UGT1A10: variants seen among roughly 807,000 people sequenced by gnomAD.
UGT1A10 encodes UDP-glucuronosyltransferase 1A10.
A neutral mutation model predicts 45.8 loss-of-function variants in UGT1A10; 49 were observed. That is an observed-to-expected ratio of 1.07 (90% CI 0.85 to 1.36). UGT1A10 has a LOEUF of 1.36. UGT1A10 is among the 40% of genes most tolerant of loss of function. The pLI, the probability that UGT1A10 is intolerant of heterozygous loss-of-function variation, is 0.00. For missense variants in UGT1A10, 745 were observed against 668.6 expected (o/e 1.11, Z -1.26); for synonymous variants, 284 against 249.7 (o/e 1.14, Z -1.29).
intron 1 of UGT1A10, among the ~76,000 whole-genome samples, chr2:233,687,568 A>C (rs6754100): frequency 0.67 from 95,836 of 142,336 alleles, 33,409 homozygotes; most frequent in African/African-American, 0.84. Flanking sequence ...AGAATTCAAG[A>C]CCATACATTC....
chr2:233,710,591 C>T (rs188029581), intron 1 of UGT1A10, among the ~76,000 whole-genome samples: 9 of 152,216 alleles, frequency 5.9e-5, no homozygotes, highest in Non-Finnish European at 1.3e-4. Flanking sequence ...CTTCCGCACA[C>T]CTTTATTGGT....
At chr2:233,684,756 T>C (rs1404556453) in intron 1 of UGT1A10, among the ~76,000 whole-genome samples, 1 of 152,116 alleles carries the variant, frequency 6.6e-6, no homozygotes, top group Non-Finnish European at 1.5e-5. Flanking sequence ...CAAAGAAGAA[T>C]TCAGATCATA....
At chr2:233,701,761 A>G (rs1268136648) in intron 1 of UGT1A10, among the ~76,000 whole-genome samples, 1 of 152,234 alleles carries the variant, frequency 6.6e-6, no homozygotes, top group African/African-American at 2.4e-5. Context: ...ACATAACGAA[A>G]TGAAGGCAGA....
chr2:233,696,771 T>C (rs2075358404), intron 1 of UGT1A10, among the ~76,000 whole-genome samples: 1 of 152,200 alleles, frequency 6.6e-6, no homozygotes, highest in South Asian at 2.1e-4. Flanking sequence ...TTATCATATA[T>C]GGATTTTATT....
chr2:233,734,202 G>T (rs1345683418), intron 1 of UGT1A10, among the ~76,000 whole-genome samples: 1 of 152,060 alleles, frequency 6.6e-6, no homozygotes, highest in Non-Finnish European at 1.5e-5. Context: ...CAATTTCAGA[G>T]CCTGTTGTTG....
intron 1 of UGT1A10, chr2:233,671,702 G>A (rs1188583149): frequency 3.5e-6 from 2 of 570,372 alleles, no homozygotes; most frequent in Non-Finnish European, 4.4e-6. Flanking sequence ...TGCCCCCAAG[G>A]CAAAGACCAT....
At chr2:233,710,698 G>A (rs1267574766) in intron 1 of UGT1A10, among the ~76,000 whole-genome samples, 1 of 152,116 alleles carries the variant, frequency 6.6e-6, no homozygotes, top group Non-Finnish European at 1.5e-5. Flanking sequence ...TCTGGTGTGT[G>A]GTGTCCTTTG....
intron 1 of UGT1A10, among the ~76,000 whole-genome samples, chr2:233,660,291 G>T (rs2073938533): frequency 6.6e-6 from 1 of 152,164 alleles, no homozygotes; most frequent in Non-Finnish European, 1.5e-5. Flanking sequence ...AAAACCATGT[G>T]TAATGAGCCT....
intron 1 of UGT1A10, among the ~76,000 whole-genome samples, chr2:233,667,321 C>G (rs1390315548): frequency 6.6e-6 from 1 of 152,162 alleles, no homozygotes; most frequent in African/African-American, 2.4e-5. Flanking sequence ...GGAAAACTGG[C>G]TAGCCATTTG....
intron 1 of UGT1A10, among the ~76,000 whole-genome samples, chr2:233,716,770 G>A (rs1477452949): frequency 1.3e-5 from 2 of 152,158 alleles, no homozygotes; most frequent in African/African-American, 2.4e-5. Context: ...GATCACTCAG[G>A]TCAGGCTTTC....
chr2:233,674,620 T>C (rs1208865463), intron 1 of UGT1A10, among the ~76,000 whole-genome samples: 3 of 150,008 alleles, frequency 2.0e-5, no homozygotes, highest in Non-Finnish European at 4.4e-5. Flanking sequence ...AAACTATATA[T>C]GGTTTCATTT....
chr2:233,753,502 C>A (rs1316574897), intron 1 of UGT1A10: 1 of 152,214 alleles, frequency 6.6e-6, no homozygotes, highest in East Asian at 1.9e-4. Context: ...TTTTTTCAGC[C>A]TGTCTAGTTG....
intron 1 of UGT1A10, among the ~76,000 whole-genome samples, chr2:233,699,014 G>A (rs2075477685): frequency 6.6e-6 from 1 of 152,222 alleles, no homozygotes; most frequent in Non-Finnish European, 1.5e-5. Flanking sequence ...AACATGAGAG[G>A]CTGAGCCACC....
intron 1 of UGT1A10, among the ~76,000 whole-genome samples, chr2:233,699,170 C>G (rs1397049882): frequency 6.6e-6 from 1 of 152,190 alleles, no homozygotes; most frequent in Non-Finnish European, 1.5e-5. Context: ...GTCTGTCTCT[C>G]TGATCCTCAC....
At position 233,637,104 on chromosome 2, in the gene UGT1A10, C is replaced by T. The variant is rs1283348495; in HGVS notation, c.582C>T (p.Leu194=). The change falls in exon 1 of 5, where the codon CTC becomes CTT. Residue 194 remains leucine, a synonymous_variant. Coordinates refer to ENST00000344644, the MANE Select transcript of UGT1A10 (RefSeq NM_019075.4). ...PAPLSYVPND[L]LGFSDAMTFK... ...CTCTTTCCTATGTCCCCAATGATCT[C>T]TTAGGGTTCTCAGATGCCATGACTT... 3 of 1,613,930 alleles carry T rather than the reference C, an allele frequency of 1.9e-6. No individual in the cohort carries two copies. Among genetic ancestry groups the T allele is most frequent in the Non-Finnish European group, 2.5e-6 (3 of 1,179,856 alleles).
intron 1 of UGT1A10, among the ~76,000 whole-genome samples, chr2:233,662,520 T>C (rs1464202199): frequency 1.3e-5 from 2 of 152,238 alleles, no homozygotes; most frequent in Non-Finnish European, 1.5e-5. Context: ...TACTTATTTG[T>C]TCTTGGAGGT....
intron 1 of UGT1A10, among the ~76,000 whole-genome samples, chr2:233,643,548 A>G (rs1489723788): frequency 2.6e-5 from 4 of 152,058 alleles, no homozygotes; most frequent in Non-Finnish European, 5.9e-5. Context: ...ATCCCCCTGC[A>G]GCAGTGTTGG....
chr2:233,718,363 A>G (rs2076649552), intron 1 of UGT1A10, among the ~76,000 whole-genome samples: 1 of 152,246 alleles, frequency 6.6e-6, no homozygotes, highest in Non-Finnish European at 1.5e-5. Flanking sequence ...TGTGTTATTC[A>G]CATATGAGAA....
chr2:233,728,573 C>T (rs183295666), intron 1 of UGT1A10, among the ~76,000 whole-genome samples: 6 of 152,150 alleles, frequency 3.9e-5, no homozygotes, highest in Non-Finnish European at 7.3e-5. Flanking sequence ...TATCCTGGTG[C>T]GAAAAACGAC....
Sources: allele counts gnomAD v4.1 joint callset (sites outside exome capture counted in the v4.1 genomes callset), GRCh38; gene constraint gnomAD v4.1.1; transcripts MANE v1.5; gene names NCBI Gene and HGNC (gene_info 2026-07-23, HGNC 2026-07-21).